Variants in PTCHD4 observed in about 807,000 individuals in gnomAD.
The protein encoded by PTCHD4 is patched domain containing 4, also known as patched domain-containing protein 4.
In PTCHD4, 33 loss-of-function variants were observed where a neutral mutation model predicts 58.1. The observed-to-expected ratio is 0.57, with a 90% CI of 0.43 to 0.76. The LOEUF (loss-of-function observed/expected upper bound fraction) is 0.76, where lower values mean the gene tolerates loss of function less well. Ranked by LOEUF, PTCHD4 falls within the 30% of genes least tolerant of loss-of-function variation. The pLI, the probability that PTCHD4 is intolerant of heterozygous loss-of-function variation, is 0.00. For missense variants in PTCHD4, 1,058 were observed against 1,027.1 expected, an observed-to-expected ratio of 1.03 and a Z score of -0.41; for synonymous variants, 478 against 409.6, an observed-to-expected ratio of 1.17 and a Z score of -2.02.
intron 4 of PTCHD4, among the ~76,000 whole-genome samples, chr6:47,942,774 C>T (rs1310929921): frequency 1.3e-5 from 2 of 152,200 alleles, no homozygotes; most frequent in African/African-American, 2.4e-5. Context: ...TTGGCAGATG[C>T]CACCAAGGGG....
intron 1 of PTCHD4, among the ~76,000 whole-genome samples, chr6:48,103,871 T>A (rs1765660992): frequency 6.6e-6 from 1 of 151,774 alleles, no homozygotes; most frequent in African/African-American, 2.4e-5. Flanking sequence ...ATGAAATGAA[T>A]GAAATGAAGT....
At chr6:48,000,072 C>G (rs1768660039) in intron 4 of PTCHD4, among the ~76,000 whole-genome samples, 1 of 152,132 alleles carries the variant, frequency 6.6e-6, no homozygotes, top group Non-Finnish European at 1.5e-5. Flanking sequence ...TCTCTATTTT[C>G]TCTTTTGCCT....
intron 4 of PTCHD4, among the ~76,000 whole-genome samples, chr6:47,883,824 G>A (rs1184847117): frequency 1.3e-5 from 2 of 152,122 alleles, no homozygotes; most frequent in South Asian, 2.1e-4. Flanking sequence ...ATTGTCAAAT[G>A]TTGCCTGTGG....
At chr6:48,102,701 T>C (rs1582141000) in intron 1 of PTCHD4, among the ~76,000 whole-genome samples, 1 of 152,316 alleles carries the variant, frequency 6.6e-6, no homozygotes, top group East Asian at 1.9e-4. Flanking sequence ...TTCTCTTTCC[T>C]AGTCAAAGAA....
intron 3 of PTCHD4, among the ~76,000 whole-genome samples, chr6:48,028,203 A>G (rs1763315669): frequency 6.6e-6 from 1 of 152,042 alleles, no homozygotes; most frequent in Admixed American, 6.6e-5. Context: ...TCGGCCTCCC[A>G]AAGTGCTAAG....
At chr6:48,049,974 G>A (rs1026941354) in intron 3 of PTCHD4, among the ~76,000 whole-genome samples, 6 of 151,864 alleles carry the variant, frequency 4.0e-5, no homozygotes, top group South Asian at 2.1e-4. Context: ...TTCTGTTTAC[G>A]TTGGCTTCTA....
intron 4 of PTCHD4, among the ~76,000 whole-genome samples, chr6:47,999,206 G>T (rs545297436): frequency 6.6e-6 from 1 of 152,312 alleles, no homozygotes; most frequent in South Asian, 2.1e-4. Context: ...AGATGAAGGA[G>T]GCCCAGGGAC....
intron 4 of PTCHD4, among the ~76,000 whole-genome samples, chr6:47,937,377 T>C (rs1766043106): frequency 6.6e-6 from 1 of 152,266 alleles, no homozygotes; most frequent in South Asian, 2.1e-4. Context: ...GTTTTGAAGA[T>C]AAAATCAACA....
intron 4 of PTCHD4, among the ~76,000 whole-genome samples, chr6:47,984,433 A>T (rs1481983121): frequency 6.6e-6 from 1 of 152,076 alleles, no homozygotes; most frequent in Non-Finnish European, 1.5e-5. Flanking sequence ...ATGTCACCAG[A>T]ACGTCATGGG....
At chr6:48,107,066 C>T (rs919468042) in intron 1 of PTCHD4, among the ~76,000 whole-genome samples, 1 of 152,130 alleles carries the variant, frequency 6.6e-6, no homozygotes, top group Non-Finnish European at 1.5e-5. Flanking sequence ...CATCAAGCTA[C>T]CAATGACTTT....
intron 1 of PTCHD4, among the ~76,000 whole-genome samples, chr6:48,109,816 G>C (rs1281284676): frequency 6.6e-6 from 1 of 151,888 alleles, no homozygotes; most frequent in East Asian, 1.9e-4. Flanking sequence ...GTCGCCAAAA[G>C]GTATGTAAAA....
At chr6:47,992,776 T>C (rs1342471247) in intron 4 of PTCHD4, among the ~76,000 whole-genome samples, 4 of 152,212 alleles carry the variant, frequency 2.6e-5, no homozygotes, top group Admixed American at 2.0e-4. Flanking sequence ...ATAATAAATA[T>C]GCTACGTTAC....
At chr6:47,950,044 C>T (rs1766580605) in intron 4 of PTCHD4, among the ~76,000 whole-genome samples, 1 of 129,538 alleles carries the variant, frequency 7.7e-6, no homozygotes, top group Non-Finnish European at 1.6e-5. Flanking sequence ...CCCCACCCCA[C>T]AACAGGCCCC....
chr6:47,891,964 G>A (rs1764394410), intron 4 of PTCHD4, among the ~76,000 whole-genome samples: 1 of 152,134 alleles, frequency 6.6e-6, no homozygotes, highest in South Asian at 2.1e-4. Context: ...TGAGAGTTAA[G>A]CCCAGAAGGA....
chr6:47,923,251 A>G (rs912787115), intron 4 of PTCHD4, among the ~76,000 whole-genome samples: 4 of 152,132 alleles, frequency 2.6e-5, no homozygotes, highest in African/African-American at 7.2e-5. Context: ...ACTTCCCTAT[A>G]TGTTTTAGGC....
chr6:48,076,109 T>G (rs1441603866), intron 1 of PTCHD4, among the ~76,000 whole-genome samples: 1 of 152,240 alleles, frequency 6.6e-6, no homozygotes, highest in Non-Finnish European at 1.5e-5. Flanking sequence ...TTCAACTATA[T>G]TCACAGCACT....
At chr6:47,956,208 C>T (rs893312188) in intron 4 of PTCHD4, among the ~76,000 whole-genome samples, 1 of 152,126 alleles carries the variant, frequency 6.6e-6, no homozygotes, top group Admixed American at 6.6e-5. Flanking sequence ...TCTGGAGAAT[C>T]CTGACGATAC....
At position 47,863,679 on chromosome 6, in the gene PTCHD4, G is replaced by C. The variant is rs1455665105; in HGVS notation, c.*14624C>G. On this transcript the variant is annotated 3_prime_UTR_variant, in exon 5 of 5. Transcript: ENST00000339488. Reference sequence around the variant, plus strand: ...TACATGAATCTAGTTCTAGTATAGAGTGCTAGTTCTAGTATACAGTGGTTC... The same window carrying C: ...TACATGAATCTAGTTCTAGTATAGACTGCTAGTTCTAGTATACAGTGGTTC... Among the ~76,000 whole-genome samples, 1 of 151,930 alleles carries C rather than the reference G, an allele frequency of 6.6e-6. No individual in the cohort carries two copies. The highest frequency in any genetic ancestry group is 2.4e-5 in the African/African-American group (1 of 41,410).
chr6:48,093,802 G>A (rs1372405615), intron 1 of PTCHD4, among the ~76,000 whole-genome samples: 3 of 152,128 alleles, frequency 2.0e-5, no homozygotes, highest in Non-Finnish European at 1.5e-5. Context: ...TCCATGAATA[G>A]GGATGATGGG....
Sources: allele counts gnomAD v4.1 joint callset (sites outside exome capture counted in the v4.1 genomes callset), GRCh38; gene constraint gnomAD v4.1.1; transcripts MANE v1.5; gene names NCBI Gene and HGNC (gene_info 2026-07-23, HGNC 2026-07-21).